The following CDK11A variants were observed in gnomAD, a reference collection of about 807,000 sequenced individuals.
The protein encoded by CDK11A is cyclin dependent kinase 11A.
Under a neutral mutation model 83.6 loss-of-function variants are expected in CDK11A, and 55 were observed. The observed-to-expected ratio is 0.66, with a 90% CI of 0.53 to 0.82. The LOEUF (loss-of-function observed/expected upper bound fraction) is 0.82, where lower values mean the gene tolerates loss of function less well. Ranked by LOEUF, CDK11A falls within the 40% of genes least tolerant of loss-of-function variation. CDK11A has a pLI of 0.00. For missense variants in CDK11A, 564 were observed against 810.1 expected, an observed-to-expected ratio of 0.70 and a Z score of 3.69; for synonymous variants, 247 against 302.7, an observed-to-expected ratio of 0.82 and a Z score of 1.91.
intron 2 of CDK11A, chr1:1,722,486 C>T (rs1644943670): frequency 1.8e-5 from 11 of 611,130 alleles, no homozygotes; most frequent in South Asian, 8.6e-5. Context: ...ACTTAACATT[C>T]AACGTATTTT....
intron 5 of CDK11A, among the ~76,000 whole-genome samples, chr1:1,714,856 CCA>C (rs1644579462): frequency 6.8e-6 from 1 of 147,010 alleles, no homozygotes; most frequent in African/African-American, 2.5e-5. Flanking sequence ...CGAGCTCTCT[CCA>C]GTCTCTGCTG....
At chr1:1,710,676 A>T (rs1043188458) in intron 6 of CDK11A, among the ~76,000 whole-genome samples, 8 of 150,922 alleles carry the variant, frequency 5.3e-5, no homozygotes, top group Non-Finnish European at 1.0e-4. Context: ...TCCCAGACAA[A>T]GATTTTAGGG....
chr1:1,719,523 G>A, intron 3 of CDK11A, 68 bp from the exon 4 acceptor site: 1 of 1,258,940 alleles, frequency 7.9e-7, no homozygotes, highest in Non-Finnish European at 1.0e-6. Flanking sequence ...GCTATTATGA[G>A]GTTTTTTCAA....
At chr1:1,706,630 C>G (rs1206522403) in intron 11 of CDK11A, among the ~76,000 whole-genome samples, 1 of 151,368 alleles carries the variant, frequency 6.6e-6, no homozygotes, top group South Asian at 2.1e-4. Flanking sequence ...GAGGACGGGC[C>G]CTACCTGCCA....
Position 1,708,854 on chromosome 1 carries a change from C to A in CDK11A, c.943G>T (p.Glu315Ter). The change falls in exon 9 of 20, where the codon GAG (glutamate) becomes TAG (stop). Residue 315 changes from glutamate to a stop codon, truncating the protein, a stop_gained. Coordinates refer to ENST00000404249, the MANE Select transcript of CDK11A (RefSeq NM_024011.4). LOFTEE classifies it high-confidence loss of function. ...SEESEEEEEE[E>*]EEEEEETGSN... ...CCGGTCTCCTCCTCCTCCTCTTCCT[C>A]TTCCTCCTCCTCCTCCTCTGATTCT... The A allele has an allele frequency of 1.6e-6, 2 of 1,212,506 alleles. No homozygotes were observed. Among genetic ancestry groups the A allele is most frequent in the Non-Finnish European group, 2.4e-6 (2 of 850,260 alleles). The allele number at this position is 1,212,506 out of a possible 1,614,324, so 75.1% of individuals were successfully genotyped here.
chr1:1,721,604 C>A lies in CDK11A; in HGVS notation c.219G>T (p.Met73Ile). The A allele has an allele frequency of 1.2e-6, 2 of 1,606,944 alleles. 1 individual carries two copies. ...TCTGTACATCCGCTCACCTGTCTTC[C>A]ATTGAGTCTTCTCTTCTATACGGGG... Reference protein sequence around the residue: ...RNSPYRREDSMEDRGEEDDSL... With the variant: ...RNSPYRREDSIEDRGEEDDSL... Residue 73 changes from methionine (M) to isoleucine (I), a missense_variant, in exon 3 of 20, where the codon ATG (methionine) becomes ATT (isoleucine). Transcript: ENST00000404249.
Position 1,715,693 on chromosome 1 carries a change from T to G in CDK11A, c.488+653A>C, listed in dbSNP as rs1402342992. The stretch of plus-strand genomic sequence containing the variant: ...CTGCACACGCCCTTCCGCTTCAGAC[T>G]CCTCTCTTCCTGGAGCAGCTTGCAA... On this transcript the variant is annotated intron_variant, in intron 5 of 19. Transcript: ENST00000404249. Among the ~76,000 whole-genome samples the G allele has an allele frequency of 2.0e-4, 31 of 151,318 alleles. No individual in the cohort carries two copies. The East Asian group carries it at 5.0e-3, about 25-fold the overall frequency.
At position 1,721,672 on chromosome 1, in the gene CDK11A, C is replaced by G. The variant is rs181359165; in HGVS notation, c.151G>C (p.Gly51Arg). 5.9e-5 allele frequency: 94 copies of G among 1,598,450 alleles called. 2 individuals carry two copies. In the East Asian group the frequency reaches 2.0e-3, roughly 34 times the overall value. ...TCCATGCAGTGATCTCTCAGCTCCC[C>G]CTCCTCAAGGGAATCCCGCTTGGAA... ...RDSKRDSLEE[G>R]ELRDHCMEIT... is the part of the protein sequence containing the mutation. The change falls in exon 3 of 20, where the codon GGG becomes CGG. Residue 51 changes from glycine (G) to arginine (R), a missense_variant. Physicochemically the swap from Gly to Arg is moderately radical, Grantham distance 125 (BLOSUM62 -2). This residue lies in a region of CDK11A where 151 missense variants were observed against 147.4 expected (regional missense o/e 1.02). Coordinates refer to ENST00000404249, the MANE Select transcript of CDK11A (RefSeq NM_024011.4).
chr1:1,707,344 T>C lies in CDK11A; in HGVS notation c.1245+65A>G, dbSNP rs908219040. On this transcript the variant is annotated intron_variant, in intron 11 of 19. Transcript: ENST00000404249. ...CGCCAACACGGGGGCCAGGCTTCGC[T>C]CAGCCCCTGTGGTAACTCCGACTGC... The C allele has an allele frequency of 3.9e-6, 6 of 1,535,708 alleles. 1 individual carries two copies. Among genetic ancestry groups the C allele is most frequent in the Non-Finnish European group, 5.3e-6 (6 of 1,132,294 alleles).
rs1279905537 is a variant in CDK11A, at chr1:1,703,221, G to C, written c.2109C>G (p.Leu703=). 6.7e-6 allele frequency: 3 copies of C among 446,238 alleles called. No individual in the cohort carries two copies. The highest frequency in any genetic ancestry group is 1.1e-5 in the Non-Finnish European group (3 of 271,194). The allele number at this position is 446,238 out of a possible 1,614,324, so 27.6% of individuals were successfully genotyped here. A position where few individuals can be genotyped will look rare whatever the true frequency, so the allele number is the denominator to read the frequency against. ...PGRRISAEDG[L]KHEYFRETPL... ...GGGTCTCGCGGAAATACTCATGCTT[G>C]AGGCCGTCCTCAGCGCTGATCCTCC... is the stretch of plus-strand genomic sequence containing the variant. The change falls in exon 19 of 20, where the codon CTC becomes CTG. Residue 703 remains leucine (L), a synonymous_variant. Transcript: ENST00000404249.
rs200272503 is a variant in CDK11A, at chr1:1,716,404, G to A, written c.430C>T (p.Arg144Trp). 34 of 1,608,482 alleles carry A rather than the reference G, an allele frequency of 2.1e-5. 1 individual carries two copies. The highest frequency in any genetic ancestry group is 9.9e-5 in the South Asian group (9 of 90,706). ...RHREEQDKAR[R>W]EWERQKRREM... ...CTTCTCTTCTGTCTTTCCCATTCCC[G>A]GCGAGCTTTATCCTGTTCTTCTCGA... Residue 144 changes from arginine to tryptophan, a missense_variant, in exon 5 of 20, where the codon CGG becomes TGG. Physicochemically the swap from Arg to Trp is moderately radical, Grantham distance 101. This residue lies in a region of CDK11A where 151 missense variants were observed against 147.4 expected (regional missense o/e 1.02). Coordinates refer to ENST00000404249, the MANE Select transcript of CDK11A (RefSeq NM_024011.4).
At chr1:1,719,600 T>C in intron 3 of CDK11A, 145 bp from the exon 4 acceptor site, 1 of 508,222 alleles carries the variant, frequency 2.0e-6, no homozygotes, top group Non-Finnish European at 3.2e-6. Context: ...ACATTAATTC[T>C]CCAACTTCAG....
intron 3 of CDK11A, among the ~76,000 whole-genome samples, chr1:1,720,730 C>T (rs1007428492): frequency 2.0e-5 from 3 of 149,840 alleles, no homozygotes; most frequent in Admixed American, 1.3e-4. Flanking sequence ...CTTGCTATGT[C>T]CCCCAGGGTA....
chr1:1,722,085 C>T (rs757660523), intron 2 of CDK11A, among the ~76,000 whole-genome samples: 2 of 150,272 alleles, frequency 1.3e-5, no homozygotes, highest in Admixed American at 6.7e-5. Context: ...TGGCCCTGGG[C>T]GACAGTGCGA....
rs1241609781 is a variant in CDK11A at position 1,708,909 on chromosome 1, TTCCTCC to T, written c.882_887del (p.Glu300_Glu301del). The T allele has an allele frequency of 8.1e-6, 7 of 866,556 alleles. No homozygotes were observed. The Admixed American group carries it at 8.8e-5, about 11-fold the overall frequency. The allele number at this position is 866,556 out of a possible 1,614,324, so 53.7% of individuals were successfully genotyped here. A position where few individuals can be genotyped will look rare whatever the true frequency, so the allele number is the denominator to read the frequency against. On this transcript the variant is annotated inframe_deletion, in exon 9 of 20. Coordinates refer to ENST00000404249, the MANE Select transcript of CDK11A (RefSeq NM_024011.4). ...TGGTGCTCCCTTCCTCCTCCTCCTC[TTCCTCC>T]TCCTCCTCTTCTTCCTCAGAACCTG...
At chr1:1,721,452 A>G in intron 3 of CDK11A, 144 bp downstream of exon 3, 1 of 908,744 alleles carries the variant, frequency 1.1e-6, no homozygotes, top group Non-Finnish European at 1.6e-6. Context: ...TACAACAGCT[A>G]CAACACGCCC....
chr1:1,703,943 A>G lies in CDK11A; in HGVS notation c.1795-3T>C, dbSNP rs1167190340. On this transcript the variant is annotated splice_polypyrimidine_tract_variant and splice_region_variant and intron_variant, in intron 16 of 19. Coordinates refer to ENST00000404249, the MANE Select transcript of CDK11A (RefSeq NM_024011.4). ...ATGTCCACGGCCGTGGAGTATTCCT[A>G]AGACGCCAGGAGAGGTGTTCAGGAA... The G allele has an allele frequency of 6.2e-7, 1 of 1,609,348 alleles. No individual in the cohort carries two copies. The highest frequency in any genetic ancestry group is 1.7e-5 in the Admixed American group (1 of 59,776).
chr1:1,711,972 TATA>T (rs1452068652), intron 6 of CDK11A, among the ~76,000 whole-genome samples: 1 of 100,752 alleles, frequency 9.9e-6, no homozygotes, highest in Non-Finnish European at 2.4e-5. Flanking sequence ...CTACTAAAAA[TATA>T]AAAAAATAGC....
intron 16 of CDK11A, 39 bp downstream of exon 16, chr1:1,704,000 A>C (rs200173016): frequency 3.1e-6 from 5 of 1,604,552 alleles, no homozygotes; most frequent in South Asian, 2.2e-5. Context: ...GGGAGGCTGC[A>C]TGGGGGACAG....
Sources: gnomAD v4.1 joint callset for allele counts (sites outside exome capture counted in the v4.1 genomes callset) on GRCh38, gnomAD v4.1.1 for gene constraint, gnomAD v4.1.1 regional missense constraint, MANE v1.5 for transcripts, NCBI Gene and HGNC (gene_info 2026-07-23, HGNC 2026-07-21) for gene names.